LRRC36: variants seen among roughly 807,000 people sequenced by gnomAD.
LRRC36 encodes leucine rich repeat containing 36.
A neutral mutation model predicts 81.1 loss-of-function variants in LRRC36; 62 were observed. The observed-to-expected ratio is 0.76, with a 90% CI of 0.62 to 0.94. LRRC36 has a LOEUF of 0.94. LRRC36 is among the 40% of genes least tolerant of loss of function. The pLI, the probability that LRRC36 is intolerant of heterozygous loss-of-function variation, is 0.00. For missense variants in LRRC36, 761 were observed against 881.7 expected (o/e 0.86, Z 1.73); for synonymous variants, 334 against 348.6 (o/e 0.96, Z 0.47).
At position 67,341,958 on chromosome 16, in the gene LRRC36, ACTGGTGGAGT is replaced by A. The variant is rs775745869; in HGVS notation, c.75_84del (p.Val26PhefsTer27). 59 of 1,607,714 alleles carry A rather than the reference ACTGGTGGAGT, an allele frequency of 3.7e-5. No homozygotes were observed. The highest frequency in any genetic ancestry group is 1.7e-4 in the Middle Eastern group (1 of 6,022). ...TATCTACTGATGATCTCTTTTCAGA[ACTGGTGGAGT>A]CTCTTTCATTGCAGGGATCTTATGC... On this transcript the variant is annotated frameshift_variant and splice_region_variant, in exon 2 of 14. Transcript: ENST00000329956. LOFTEE classifies it high-confidence loss of function.
intron 2 of LRRC36, 93 bp downstream of exon 2, chr16:67,342,177 TAA>T: frequency 1.2e-6 from 1 of 813,330 alleles, no homozygotes; most frequent in South Asian, 3.7e-5. Context: ...CTGGGGAATA[TAA>T]GACCTTCCCT....
At chr16:67,363,807 G>A in intron 6 of LRRC36, 93 bp downstream of exon 6, 2 of 1,423,246 alleles carry the variant, frequency 1.4e-6, no homozygotes. Context: ...AGGTCTCAGA[G>A]GACTTGTTTG....
intron 12 of LRRC36, among the ~76,000 whole-genome samples, chr16:67,379,121 T>TCCA (rs1241886941): frequency 6.6e-6 from 1 of 152,152 alleles, no homozygotes; most frequent in Non-Finnish European, 1.5e-5. Context: ...TATTTTTAAC[T>TCCA]CCAAATTTAC....
At chr16:67,380,385 GC>G (rs1403461773) in intron 12 of LRRC36, among the ~76,000 whole-genome samples, 2 of 152,012 alleles carry the variant, frequency 1.3e-5, no homozygotes, top group Non-Finnish European at 2.9e-5. Context: ...TTCAAATTTT[GC>G]CATTGTGATA....
intron 5 of LRRC36, among the ~76,000 whole-genome samples, chr16:67,358,298 G>A (rs1019309716): frequency 6.6e-6 from 1 of 151,794 alleles, no homozygotes; most frequent in Non-Finnish European, 1.5e-5. Flanking sequence ...CACAGAATAG[G>A]AGAAAATGTT....
At chr16:67,384,392 C>T (rs1597516700) in intron 13 of LRRC36, among the ~76,000 whole-genome samples, 1 of 152,280 alleles carries the variant, frequency 6.6e-6, no homozygotes, top group African/African-American at 2.4e-5. Flanking sequence ...CAAGATCCCA[C>T]CATTGCACTC....
chr16:67,355,360 T>G (rs1294883020), intron 5 of LRRC36, among the ~76,000 whole-genome samples: 1 of 145,158 alleles, frequency 6.9e-6, no homozygotes, highest in African/African-American at 2.6e-5. Context: ...CTTTTTAAGA[T>G]GTCTTTTTTT....
chr16:67,367,566 G>A (rs765212212), intron 8 of LRRC36, 109 bp downstream of exon 8: 11 of 1,027,886 alleles, frequency 1.1e-5, no homozygotes, highest in Non-Finnish European at 1.6e-5. Flanking sequence ...CATTTCTTAA[G>A]TTGTATTTTA....
chr16:67,344,078 A>G (rs909638842), intron 2 of LRRC36, among the ~76,000 whole-genome samples: 7 of 152,060 alleles, frequency 4.6e-5, no homozygotes, highest in Non-Finnish European at 7.4e-5. Context: ...CAGCCTCCCA[A>G]AGTGCTGGGA....
intron 1 of LRRC36, among the ~76,000 whole-genome samples, chr16:67,335,772 G>A (rs1464488191): frequency 2.7e-5 from 4 of 148,404 alleles, no homozygotes; most frequent in Non-Finnish European, 5.9e-5. Context: ...CGCTGTTGTT[G>A]CCCAGGCTGG....
intron 5 of LRRC36, among the ~76,000 whole-genome samples, chr16:67,356,572 G>T (rs919026884): frequency 1.3e-5 from 2 of 152,150 alleles, no homozygotes; most frequent in African/African-American, 4.8e-5. Flanking sequence ...CCTGTGTTGG[G>T]GGTAGGCAGA....
intron 8 of LRRC36, 115 bp downstream of exon 8, chr16:67,367,572 T>A: frequency 1.1e-6 from 1 of 938,036 alleles, no homozygotes; most frequent in Non-Finnish European, 1.6e-6. Flanking sequence ...TTAAGTTGTA[T>A]TTTAGGGTCA....
chr16:67,342,801 G>A (rs117072673), intron 2 of LRRC36, among the ~76,000 whole-genome samples: 129 of 152,274 alleles, frequency 8.5e-4, no homozygotes, highest in Non-Finnish European at 1.6e-3. Context: ...ATGCAAGATC[G>A]AGCGTGACAA....
Position 67,380,453 on chromosome 16 carries a change from T to C in LRRC36, c.1931-1680T>C, listed in dbSNP as rs1597508974. On this transcript the variant is annotated intron_variant, in intron 12 of 13. Coordinates refer to ENST00000329956, the MANE Select transcript of LRRC36 (RefSeq NM_018296.6). ...TTGTACTACTTTATTATCAGCATAG[T>C]TTAGGCCAGTATGTTAGATAAAGTT... 1.1e-4 allele frequency among the ~76,000 whole-genome samples: 17 copies of C among 152,324 alleles called. No individual in the cohort carries two copies. In the South Asian group the frequency reaches 3.5e-3, roughly 32 times the overall value.
intron 2 of LRRC36, among the ~76,000 whole-genome samples, chr16:67,345,149 T>A (rs2038280469): frequency 6.6e-6 from 1 of 151,824 alleles, no homozygotes. Flanking sequence ...TTGTCTCTAC[T>A]AAAAATCAAA....
In LRRC36 at chr16:67,384,563, G is replaced by T. The variant is rs183945585; in HGVS notation, c.2046-307G>T. Among the ~76,000 whole-genome samples the T allele has an allele frequency of 1.8e-3, 276 of 152,324 alleles. 1 individual carries two copies. Among genetic ancestry groups the T allele is most frequent in the Admixed American group, 4.3e-3 (66 of 15,308 alleles). ...GGGTAGAAATTGGAGGCCTGATCAGGTGCCAGTGACCCAAGGCTTCTACTT... is the reference window on the plus strand; with the variant it reads ...GGGTAGAAATTGGAGGCCTGATCAGTTGCCAGTGACCCAAGGCTTCTACTT... On this transcript the variant is annotated intron_variant, in intron 13 of 13. Transcript: ENST00000329956.
chr16:67,362,033 C>A (rs550591207), intron 5 of LRRC36, among the ~76,000 whole-genome samples: 1 of 152,036 alleles, frequency 6.6e-6, no homozygotes, highest in East Asian at 1.9e-4. Flanking sequence ...GAGTTCTAAA[C>A]CAGCCTGGGC....
chr16:67,370,170 T>C (rs2039573971), intron 8 of LRRC36, among the ~76,000 whole-genome samples: 1 of 152,174 alleles, frequency 6.6e-6, no homozygotes, highest in African/African-American at 2.4e-5. Context: ...TTAATACAGA[T>C]ACAGGAGAGT....
In LRRC36 at chr16:67,342,096, A is replaced by G; in HGVS notation, c.198+12A>G. The G allele has an allele frequency of 3.2e-6, 5 of 1,565,428 alleles. No individual in the cohort carries two copies. The highest frequency in any genetic ancestry group is 1.8e-4 in the Middle Eastern group (1 of 5,550). ...TCACTAGCCTTAAGGTAAGTTATATATTCTATGACCAGCCAGGTCTGCCCA... is the reference window on the plus strand; with the variant it reads ...TCACTAGCCTTAAGGTAAGTTATATGTTCTATGACCAGCCAGGTCTGCCCA... On this transcript the variant is annotated intron_variant, in intron 2 of 13. Coordinates refer to ENST00000329956, the MANE Select transcript of LRRC36 (RefSeq NM_018296.6).
Sources: gnomAD v4.1 joint callset for allele counts (sites outside exome capture counted in the v4.1 genomes callset) on GRCh38, gnomAD v4.1.1 for gene constraint, MANE v1.5 for transcripts, NCBI Gene and HGNC (gene_info 2026-07-23, HGNC 2026-07-21) for gene names.